INSR: variants seen among roughly 807,000 people sequenced by gnomAD.
INSR encodes insulin receptor, also known as IR.
INSR carries 67 observed loss-of-function variants against 142.6 expected under a neutral mutation model. The ratio of observed to expected loss-of-function variants is 0.47; its 90% CI spans 0.39 to 0.58. INSR has a LOEUF of 0.58. INSR is among the 20% of genes least tolerant of loss of function. The pLI is 0.00. For synonymous variants in INSR, 756 were observed against 743.1 expected (o/e 1.02, Z -0.28); for missense variants, 1,248 against 1,833.2 (o/e 0.68, Z 5.83).
intron 9 of INSR, among the ~76,000 whole-genome samples, 180 bp from the exon 10 acceptor site, chr19:7,153,107 AAC>A (rs796105691): frequency 3.5e-3 from 2 of 570 alleles, no homozygotes; most frequent in Non-Finnish European, 4.5e-3. Flanking sequence ...ACACACCACA[AAC>A]ACACAACCAC....
intron 2 of INSR, among the ~76,000 whole-genome samples, chr19:7,191,082 A>AGGCCAT (rs1974571778): frequency 6.6e-6 from 1 of 152,098 alleles, no homozygotes; most frequent in Non-Finnish European, 1.5e-5. Context: ...GGATCACCTG[A>AGGCCAT]GGTCAGGAGT....
intron 2 of INSR, among the ~76,000 whole-genome samples, chr19:7,234,168 C>T (rs1976084896): frequency 6.6e-6 from 1 of 151,968 alleles, no homozygotes; most frequent in Non-Finnish European, 1.5e-5. Flanking sequence ...CTCAGGCTCC[C>T]AAAGGGCTGG....
chr19:7,211,210 G>C (rs954053581), intron 2 of INSR, among the ~76,000 whole-genome samples: 2 of 151,972 alleles, frequency 1.3e-5, no homozygotes, highest in Admixed American at 6.6e-5. Flanking sequence ...GCGACTACAG[G>C]TGCATGTCAC....
rs1046102808 is a variant in INSR at position 7,113,644 on chromosome 19, G to A, written c.*3412C>T. The A allele has an allele frequency of 1.3e-5, 2 of 152,130 alleles. No individual in the cohort carries two copies. The highest frequency in any genetic ancestry group is 2.9e-5 in the Non-Finnish European group (2 of 68,012). The allele number at this position is 152,130 out of a possible 1,614,324, so 9.4% of individuals were successfully genotyped here. A position where few individuals can be genotyped will look rare whatever the true frequency, so the allele number is the denominator to read the frequency against. ...AAAAGTGTTATCCTAAGCTGGTTTT[G>A]TTGCTTTTTGTTGTTGTTGTTGCAA... On this transcript the variant is annotated 3_prime_UTR_variant, in exon 22 of 22. Transcript: ENST00000302850.
chr19:7,129,764 G>A (rs1307189276), intron 14 of INSR, among the ~76,000 whole-genome samples: 2 of 151,986 alleles, frequency 1.3e-5, no homozygotes, highest in East Asian at 3.8e-4. Context: ...TAGAGACAGG[G>A]TCTTACTCTG....
At chr19:7,143,237 T>G in intron 11 of INSR, 147 bp from the exon 12 acceptor site, 1 of 890,574 alleles carries the variant, frequency 1.1e-6, no homozygotes, top group Non-Finnish European at 1.8e-6. Context: ...CAATACAGAC[T>G]GCCAGGAATG....
chr19:7,198,428 A>G (rs1189461559), intron 2 of INSR, among the ~76,000 whole-genome samples: 4 of 152,082 alleles, frequency 2.6e-5, no homozygotes, highest in Non-Finnish European at 4.4e-5. Flanking sequence ...AGCTAGGGAA[A>G]AGGAGAAACC....
intron 1 of INSR, among the ~76,000 whole-genome samples, chr19:7,278,788 G>A (rs1030124107): frequency 1.2e-4 from 18 of 152,192 alleles, no homozygotes; most frequent in African/African-American, 4.1e-4. Context: ...GAGGTCAGGA[G>A]TTTGAGACCA....
intron 1 of INSR, among the ~76,000 whole-genome samples, chr19:7,287,914 G>A (rs1017404157): frequency 6.6e-6 from 1 of 152,156 alleles, no homozygotes; most frequent in African/African-American, 2.4e-5. Context: ...TCAACCTGCC[G>A]TGTCGGGGCA....
intron 2 of INSR, among the ~76,000 whole-genome samples, chr19:7,187,324 C>T (rs1196365638): frequency 6.6e-6 from 1 of 151,714 alleles, no homozygotes; most frequent in African/African-American, 2.4e-5. Flanking sequence ...TCAAGTGATC[C>T]ACTCACCCTG....
At chr19:7,224,997 G>A (rs1360193829) in intron 2 of INSR, among the ~76,000 whole-genome samples, 1 of 152,188 alleles carries the variant, frequency 6.6e-6, no homozygotes, top group Non-Finnish European at 1.5e-5. Flanking sequence ...GACAGAGACA[G>A]AGAGGGGAGT....
At chr19:7,252,064 C>A (rs1240679630) in intron 2 of INSR, among the ~76,000 whole-genome samples, 1 of 151,464 alleles carries the variant, frequency 6.6e-6, no homozygotes, top group Non-Finnish European at 1.5e-5. Context: ...ACCTGAGGTC[C>A]GGAGTTCAAG....
chr19:7,274,991 T>A (rs945932556), intron 1 of INSR, among the ~76,000 whole-genome samples: 1 of 145,500 alleles, frequency 6.9e-6, no homozygotes, highest in East Asian at 2.0e-4. Flanking sequence ...TTTTTTTTGG[T>A]CAGAGAGGGA....
rs4031077 is a variant in INSR at position 7,164,092 on chromosome 19, T to TAAA, written c.1862-896_1862-894dup. On this transcript the variant is annotated intron_variant, in intron 8 of 21. Coordinates refer to ENST00000302850, the MANE Select transcript of INSR (RefSeq NM_000208.4). Reference sequence around the variant, plus strand: ...CTGAGAGACAAGAGTGAAACTCCGTTAAAAAAAAAAAAAAAAAAAAAAAAG... The same window carrying TAAA: ...CTGAGAGACAAGAGTGAAACTCCGTTAAAAAAAAAAAAAAAAAAAAAAAAAAAG... Among the ~76,000 whole-genome samples the TAAA allele has an allele frequency of 3.4e-3, 276 of 80,210 alleles. 3 individuals carry two copies. The highest frequency in any genetic ancestry group is 6.5e-3 in the African/African-American group (134 of 20,728). 52.6% of individuals were successfully genotyped at this position (80,210 alleles called of 152,430 possible).
intron 1 of INSR, among the ~76,000 whole-genome samples, chr19:7,290,698 G>A (rs1222866508): frequency 6.7e-6 from 1 of 150,122 alleles, no homozygotes; most frequent in East Asian, 2.0e-4. Context: ...ACTTGAACCT[G>A]AAAGGCGGAG....
intron 2 of INSR, among the ~76,000 whole-genome samples, chr19:7,215,993 A>T (rs975091205): frequency 6.6e-6 from 1 of 152,096 alleles, no homozygotes; most frequent in Admixed American, 6.6e-5. Flanking sequence ...ACAGGTTCCT[A>T]ATCTCATGGT....
intron 8 of INSR, among the ~76,000 whole-genome samples, chr19:7,164,946 T>C (rs1210892545): frequency 2.0e-5 from 3 of 150,676 alleles, no homozygotes; most frequent in East Asian, 2.0e-4. Context: ...CTGGCCAACA[T>C]GGTGAAATCC....
Position 7,168,220 on chromosome 19 carries a change from G to A in INSR, c.1484-126C>T, listed in dbSNP as rs1973932164. ...GAGGTGACGCTGCTATTCCCTTAAG[G>A]GTCTCCTCCCCATGTGCCTGGCTGA... On this transcript the variant is annotated intron_variant, in intron 6 of 21. Transcript: ENST00000302850. The surrounding 1 kb of genome is among the most constrained non-coding windows in gnomAD (Gnocchi z 4.3). 2.1e-6 allele frequency: 2 copies of A among 961,420 alleles called. No individual in the cohort carries two copies. Among genetic ancestry groups the A allele is most frequent in the East Asian group, 2.7e-5 (1 of 37,550 alleles). The allele number at this position is 961,420 out of a possible 1,614,324, so 59.6% of individuals were successfully genotyped here.
chr19:7,175,326 A>G (rs1289845220), intron 3 of INSR, among the ~76,000 whole-genome samples: 2 of 151,848 alleles, frequency 1.3e-5, no homozygotes, highest in Non-Finnish European at 2.9e-5. Flanking sequence ...TCAGCCTGGG[A>G]AGACAGCACA....
Sources: allele counts gnomAD v4.1 joint callset (sites outside exome capture counted in the v4.1 genomes callset), GRCh38; gene constraint gnomAD v4.1.1; non-coding constraint Gnocchi (gnomAD v3.1); transcripts MANE v1.5; gene names NCBI Gene and HGNC (gene_info 2026-07-23, HGNC 2026-07-21).